COLEC12: variants seen among roughly 807,000 people sequenced by gnomAD.
COLEC12 encodes the protein collectin subfamily member 12, also known as collectin-12.
COLEC12 carries 33 observed loss-of-function variants against 71.1 expected under a neutral mutation model. The observed-to-expected ratio is 0.46, with a 90% CI of 0.35 to 0.62. The LOEUF is 0.62. Ranked by LOEUF, COLEC12 falls within the 20% of genes least tolerant of loss-of-function variation. The pLI, the probability that COLEC12 is intolerant of heterozygous loss-of-function variation, is 0.00. For synonymous variants in COLEC12, 350 were observed against 353.0 expected, an observed-to-expected ratio of 0.99 and a Z score of 0.10; for missense variants, 765 against 916.1, an observed-to-expected ratio of 0.84 and a Z score of 2.13.
chr18:340,806 A>G (rs1914234385), intron 5 of COLEC12, among the ~76,000 whole-genome samples: 1 of 152,230 alleles, frequency 6.6e-6, no homozygotes, highest in African/African-American at 2.4e-5. Context: ...CATAGGAAAA[A>G]GTCATTGCGC....
rs963498051 is a variant in COLEC12 at position 331,445 on chromosome 18, A to T, written c.2063+223T>A. On this transcript the variant is annotated intron_variant, in intron 8 of 9. Coordinates refer to ENST00000400256, the MANE Select transcript of COLEC12 (RefSeq NM_130386.3). ...ATTTTTTTCTTAGAAATGAAAAAAAATTCACTCCATGAAAAGAAGAAAGGA... is the reference window on the plus strand; with the variant it reads ...ATTTTTTTCTTAGAAATGAAAAAAATTTCACTCCATGAAAAGAAGAAAGGA... Among the ~76,000 whole-genome samples the T allele has an allele frequency of 2.0e-5, 3 of 152,290 alleles. No homozygotes were observed. In the East Asian group the frequency reaches 5.8e-4, roughly 29 times the overall value.
chr18:484,401 C>T (rs113973135), intron 1 of COLEC12, among the ~76,000 whole-genome samples: 184 of 152,144 alleles, frequency 1.2e-3, no homozygotes, highest in Middle Eastern at 6.8e-3. Context: ...AACCCTCATC[C>T]GAAAAGGATT....
chr18:473,541 T>C (rs932806144), intron 2 of COLEC12, among the ~76,000 whole-genome samples: 2 of 152,090 alleles, frequency 1.3e-5, no homozygotes, highest in Non-Finnish European at 2.9e-5. Context: ...TTTTGTATTT[T>C]TAGTAGAGAC....
At chr18:429,829 C>T (rs1462874395) in intron 2 of COLEC12, among the ~76,000 whole-genome samples, 1 of 152,168 alleles carries the variant, frequency 6.6e-6, no homozygotes, top group East Asian at 1.9e-4. Flanking sequence ...GTAAAGATTC[C>T]TCATCCATCT....
intron 2 of COLEC12, among the ~76,000 whole-genome samples, chr18:416,340 G>C (rs763080700): frequency 5.3e-5 from 8 of 152,202 alleles, no homozygotes; most frequent in Non-Finnish European, 8.8e-5. Flanking sequence ...ACACTCAACA[G>C]AACTGGGGAT....
Position 321,698 on chromosome 18 carries a change from C to A in COLEC12, c.2173G>T (p.Val725Phe). 3 of 1,614,190 alleles carry A rather than the reference C, an allele frequency of 1.9e-6. No individual in the cohort carries two copies. Among genetic ancestry groups the A allele is most frequent in the Non-Finnish European group, 2.5e-6 (3 of 1,180,028 alleles). ...GQWNDFQCED[V>F]NNFICEKDRE... ...TCTTTTTCGCAAATGAAGTTATTGA[C>A]GTCTTCACATTGGAAATCGTTCCAC... The change falls in exon 9 of 10, where the codon GTC becomes TTC. Residue 725 changes from valine (V) to phenylalanine (F), a missense_variant. Physicochemically the swap from Val to Phe is conservative, Grantham distance 50. Coordinates refer to ENST00000400256, the MANE Select transcript of COLEC12 (RefSeq NM_130386.3).
At chr18:435,346 A>C (rs981534299) in intron 2 of COLEC12, among the ~76,000 whole-genome samples, 2 of 152,212 alleles carry the variant, frequency 1.3e-5, no homozygotes, top group African/African-American at 4.8e-5. Flanking sequence ...GAAGGCAAAG[A>C]AGAGGCAGGC....
chr18:488,698 C>A (rs553777737), intron 1 of COLEC12, among the ~76,000 whole-genome samples: 1 of 151,842 alleles, frequency 6.6e-6, no homozygotes, highest in African/African-American at 2.4e-5. Flanking sequence ...CATGGTGAAA[C>A]CCCGTCTCTA....
intron 2 of COLEC12, among the ~76,000 whole-genome samples, chr18:369,252 A>T (rs2143529879): frequency 6.6e-6 from 1 of 152,258 alleles, no homozygotes; most frequent in Non-Finnish European, 1.5e-5. Flanking sequence ...AATGCAACTG[A>T]TCCATTGCAT....
At chr18:372,959 GT>G (rs1349677685) in intron 2 of COLEC12, among the ~76,000 whole-genome samples, 1 of 152,144 alleles carries the variant, frequency 6.6e-6, no homozygotes, top group Non-Finnish European at 1.5e-5. Context: ...CTACAGCTCT[GT>G]GGCAAAAGGC....
chr18:372,413 T>C (rs1915020084), intron 2 of COLEC12, among the ~76,000 whole-genome samples: 1 of 151,238 alleles, frequency 6.6e-6, no homozygotes, highest in Admixed American at 6.6e-5. Flanking sequence ...ACTGAAAGAG[T>C]GTTTTTTGTT....
intron 2 of COLEC12, among the ~76,000 whole-genome samples, chr18:414,958 T>C (rs909150553): frequency 7.9e-5 from 12 of 152,370 alleles, no homozygotes; most frequent in African/African-American, 2.6e-4. Flanking sequence ...TATTTCCTAA[T>C]ATTTCACTTG....
rs185473615 is a variant in COLEC12, at chr18:342,006, A to G, written c.1327+4289T>C. On this transcript the variant is annotated intron_variant, in intron 5 of 9. Coordinates refer to ENST00000400256, the MANE Select transcript of COLEC12 (RefSeq NM_130386.3). ...CATGTGTGAGAAGTCTTCTGTGTACATAATTAGAATAAAAATCTTTATATG... is the reference window on the plus strand; with the variant it reads ...CATGTGTGAGAAGTCTTCTGTGTACGTAATTAGAATAAAAATCTTTATATG... Among the ~76,000 whole-genome samples the G allele has an allele frequency of 2.5e-3, 383 of 152,344 alleles. 1 individual carries two copies. The highest frequency in any genetic ancestry group is 4.4e-3 in the Non-Finnish European group (300 of 68,036).
intron 2 of COLEC12, among the ~76,000 whole-genome samples, chr18:420,147 C>T (rs1312608098): frequency 6.6e-6 from 1 of 152,144 alleles, no homozygotes. Context: ...GAATTCCTGA[C>T]CCACAGGACC....
At chr18:454,711 C>T (rs1302359879) in intron 2 of COLEC12, among the ~76,000 whole-genome samples, 1 of 152,066 alleles carries the variant, frequency 6.6e-6, no homozygotes, top group Non-Finnish European at 1.5e-5. Context: ...AGAATAGCCA[C>T]TCCTCTCTAT....
intron 1 of COLEC12, among the ~76,000 whole-genome samples, chr18:496,787 C>T (rs771915757): frequency 6.6e-6 from 1 of 152,210 alleles, no homozygotes; most frequent in Non-Finnish European, 1.5e-5. Flanking sequence ...GTTTGGACCT[C>T]TGTGGTCCCG....
At chr18:461,624 G>A (rs891991291) in intron 2 of COLEC12, among the ~76,000 whole-genome samples, 3 of 152,144 alleles carry the variant, frequency 2.0e-5, no homozygotes, top group Admixed American at 6.5e-5. Context: ...CTGAACTTGA[G>A]CAATTCTCCT....
intron 2 of COLEC12, among the ~76,000 whole-genome samples, chr18:415,569 A>G (rs776935706): frequency 6.6e-6 from 1 of 152,168 alleles, no homozygotes; most frequent in Non-Finnish European, 1.5e-5. Flanking sequence ...TCATAGACTA[A>G]TATTTGTATC....
At chr18:465,978 G>A (rs922409285) in intron 2 of COLEC12, among the ~76,000 whole-genome samples, 8 of 152,196 alleles carry the variant, frequency 5.3e-5, no homozygotes, top group African/African-American at 1.9e-4. Flanking sequence ...GGCGGCAGGA[G>A]AATTGCTTGA....
Sources: allele counts gnomAD v4.1 joint callset (sites outside exome capture counted in the v4.1 genomes callset), GRCh38; gene constraint gnomAD v4.1.1; transcripts MANE v1.5; gene names NCBI Gene and HGNC (gene_info 2026-07-23, HGNC 2026-07-21).